CMTM8: variants seen among roughly 807,000 people sequenced by gnomAD.
CMTM8 encodes CKLF-like MARVEL transmembrane domain-containing protein 8.
CMTM8 carries 12 observed loss-of-function variants against 18.6 expected under a neutral mutation model. The observed-to-expected ratio is 0.65, with a 90% CI of 0.41 to 1.05. The LOEUF is 1.05. CMTM8 is among the 50% of genes least tolerant of loss of function. The pLI, the probability that CMTM8 is intolerant of heterozygous loss-of-function variation, is 0.00. For missense variants in CMTM8, 217 were observed against 227.2 expected, an observed-to-expected ratio of 0.95 and a Z score of 0.29; for synonymous variants, 87 against 90.6, an observed-to-expected ratio of 0.96 and a Z score of 0.23.
At chr3:32,361,292 T>TTTTTGTTTTTTTTTTTTTTG (rs1553608180) in intron 2 of CMTM8, among the ~76,000 whole-genome samples, 2 of 146,118 alleles carry the variant, frequency 1.4e-5, no homozygotes. Flanking sequence ...AAGAGTTTTT[T>TTTTTGTTTTTTTTTTTTTTG]TTTCTTTCAA....
chr3:32,240,867 C>T (rs549440551), intron 1 of CMTM8, among the ~76,000 whole-genome samples: 38 of 152,222 alleles, frequency 2.5e-4, no homozygotes, highest in South Asian at 1.7e-3. Flanking sequence ...GGTTCACTGC[C>T]GCCTTGACCT....
At chr3:32,259,761 T>C (rs796707666) in intron 1 of CMTM8, 1 of 908,168 alleles carries the variant, frequency 1.1e-6, no homozygotes, top group Admixed American at 1.7e-5. Context: ...TCTCAGCAGA[T>C]TGAGGAGAGC....
chr3:32,241,506 C>T (rs545358654), intron 1 of CMTM8, among the ~76,000 whole-genome samples: 4 of 152,316 alleles, frequency 2.6e-5, no homozygotes, highest in South Asian at 2.1e-4. Context: ...CCATCACCAG[C>T]GCAAACCACC....
At chr3:32,321,094 G>A (rs1056988348) in intron 1 of CMTM8, among the ~76,000 whole-genome samples, 3 of 152,036 alleles carry the variant, frequency 2.0e-5, no homozygotes, top group Non-Finnish European at 4.4e-5. Context: ...CTAAAGACAG[G>A]CCCTTTTATT....
At chr3:32,320,202 A>G (rs1361923797) in intron 1 of CMTM8, among the ~76,000 whole-genome samples, 4 of 152,230 alleles carry the variant, frequency 2.6e-5, no homozygotes, top group Non-Finnish European at 4.4e-5. Context: ...ATTATTTACA[A>G]TAGCCAAAAT....
At chr3:32,313,699 C>T (rs936809123) in intron 1 of CMTM8, among the ~76,000 whole-genome samples, 1 of 152,116 alleles carries the variant, frequency 6.6e-6, no homozygotes, top group Admixed American at 6.5e-5. Context: ...GTTTAGTGCT[C>T]TGGAATCCGT....
chr3:32,315,539 C>T (rs190521136), intron 1 of CMTM8, among the ~76,000 whole-genome samples: 7 of 152,256 alleles, frequency 4.6e-5, no homozygotes, highest in East Asian at 1.9e-4. Flanking sequence ...AGGTGCTCAG[C>T]GAAGGCACCC....
At chr3:32,326,207 C>A (rs1696150110) in intron 1 of CMTM8, among the ~76,000 whole-genome samples, 1 of 152,230 alleles carries the variant, frequency 6.6e-6, no homozygotes, top group African/African-American at 2.4e-5. Context: ...CCCCATACAG[C>A]CATTGGCAAA....
rs535409154 is a variant in CMTM8, at chr3:32,283,114, C to G, written c.147+43995C>G. Among the ~76,000 whole-genome samples, 65 of 152,118 alleles carry G rather than the reference C, an allele frequency of 4.3e-4. 1 individual carries two copies. Among genetic ancestry groups the G allele is most frequent in the Admixed American group, 3.6e-3 (55 of 15,286 alleles). ...GTACTTAAATTGCACATAACACGCACTAAATAAATGTTGAAAGAAAAATAG... is the reference window on the plus strand; with the variant it reads ...GTACTTAAATTGCACATAACACGCAGTAAATAAATGTTGAAAGAAAAATAG... On this transcript the variant is annotated intron_variant, in intron 1 of 3. Transcript: ENST00000307526.
At chr3:32,356,989 A>G (rs560947673) in intron 1 of CMTM8, among the ~76,000 whole-genome samples, 1 of 152,196 alleles carries the variant, frequency 6.6e-6, no homozygotes, top group African/African-American at 2.4e-5. Context: ...CTGGACTGCC[A>G]TGGTTACCTT....
chr3:32,297,828 G>A (rs1695506148), intron 1 of CMTM8, among the ~76,000 whole-genome samples: 1 of 151,944 alleles, frequency 6.6e-6, no homozygotes, highest in African/African-American at 2.4e-5. Flanking sequence ...GGGAAAATAA[G>A]GTTTGTGTGT....
chr3:32,254,395 A>G (rs1050143248), intron 1 of CMTM8, among the ~76,000 whole-genome samples: 11 of 152,106 alleles, frequency 7.2e-5, no homozygotes, highest in Non-Finnish European at 2.9e-5. Flanking sequence ...TACATCTTCT[A>G]TATGTATCAT....
At chr3:32,350,354 C>T (rs986030620) in intron 1 of CMTM8, among the ~76,000 whole-genome samples, 3 of 147,476 alleles carry the variant, frequency 2.0e-5, no homozygotes, top group East Asian at 2.0e-4. Context: ...CATATGTGTT[C>T]TAAGCTTTTT....
chr3:32,352,278 A>C (rs1696725697), intron 1 of CMTM8, among the ~76,000 whole-genome samples: 1 of 152,118 alleles, frequency 6.6e-6, no homozygotes, highest in Admixed American at 6.5e-5. Flanking sequence ...CATTATAAGC[A>C]TTCAAAAAAA....
chr3:32,363,882 A>G (rs369186895), intron 2 of CMTM8, among the ~76,000 whole-genome samples: 4 of 152,224 alleles, frequency 2.6e-5, no homozygotes, highest in African/African-American at 9.6e-5. Context: ...CTCCTTTACT[A>G]GCTGGTTGTA....
At chr3:32,295,197 T>G (rs1702851491) in intron 1 of CMTM8, among the ~76,000 whole-genome samples, 1 of 152,078 alleles carries the variant, frequency 6.6e-6, no homozygotes, top group Admixed American at 6.6e-5. Context: ...AGCTCATGCC[T>G]GTAATCCCAG....
At chr3:32,344,897 A>G (rs1294078098) in intron 1 of CMTM8, among the ~76,000 whole-genome samples, 2 of 152,142 alleles carry the variant, frequency 1.3e-5, no homozygotes, top group African/African-American at 4.8e-5. Context: ...CCTGTCTCAA[A>G]AACAAAAAAC....
chr3:32,280,751 T>C (rs1004164222), intron 1 of CMTM8, among the ~76,000 whole-genome samples: 2 of 147,572 alleles, frequency 1.4e-5, no homozygotes, highest in Non-Finnish European at 3.0e-5. Flanking sequence ...TGGCCATACC[T>C]GGGTCATCTG....
chr3:32,302,943 T>TA (rs1651621149), intron 1 of CMTM8, among the ~76,000 whole-genome samples: 1 of 152,172 alleles, frequency 6.6e-6, no homozygotes, highest in African/African-American at 2.4e-5. Context: ...AGAGACCTGG[T>TA]CTCACACTTA....
Sources: allele counts gnomAD v4.1 joint callset (sites outside exome capture counted in the v4.1 genomes callset), GRCh38; gene constraint gnomAD v4.1.1; transcripts MANE v1.5; gene names NCBI Gene and HGNC (gene_info 2026-07-23, HGNC 2026-07-21).